C6: variants seen among roughly 807,000 people sequenced by gnomAD.
C6 encodes the protein complement C6, also known as complement component C6.
A neutral mutation model predicts 112.9 loss-of-function variants in C6; 101 were observed. That is an observed-to-expected ratio of 0.89 (90% CI 0.76 to 1.06). C6 has a LOEUF of 1.06. Ranked by LOEUF, C6 falls within the 50% of genes least tolerant of loss-of-function variation. The pLI is 0.00. For synonymous variants in C6, 431 were observed against 384.1 expected, an observed-to-expected ratio of 1.12 and a Z score of -1.43; for missense variants, 1,202 against 1,104.6, an observed-to-expected ratio of 1.09 and a Z score of -1.25.
chr5:41,232,595 C>T (rs984463779), intron 1 of C6, among the ~76,000 whole-genome samples: 13 of 151,988 alleles, frequency 8.6e-5, no homozygotes, highest in South Asian at 4.1e-4. Context: ...AGCAGGTATG[C>T]ATTGTTTCTG....
intron 15 of C6, among the ~76,000 whole-genome samples, chr5:41,152,398 A>T (rs1235916220): frequency 1.3e-5 from 2 of 152,110 alleles, no homozygotes; most frequent in African/African-American, 4.8e-5. Flanking sequence ...TCCTCAGTCT[A>T]TTGAATGAAA....
intron 1 of C6, among the ~76,000 whole-genome samples, chr5:41,212,679 T>G (rs938698175): frequency 6.6e-6 from 1 of 152,150 alleles, no homozygotes. Flanking sequence ...AGGAAAAAAG[T>G]CTTCCACTTC....
At chr5:41,206,571 T>C (rs1025374788) in intron 1 of C6, among the ~76,000 whole-genome samples, 1 of 152,114 alleles carries the variant, frequency 6.6e-6, no homozygotes, top group African/African-American at 2.4e-5. Context: ...AAGAACTACA[T>C]GACGCATGCA....
intron 17 of C6, among the ~76,000 whole-genome samples, chr5:41,143,448 GTTTTA>G (rs1036541282): frequency 2.6e-4 from 40 of 152,064 alleles, no homozygotes; most frequent in African/African-American, 9.2e-4. Context: ...TGTCCTTTCT[GTTTTA>G]TTTTATTTTT....
At chr5:41,184,209 A>T (rs1277056434) in intron 6 of C6, among the ~76,000 whole-genome samples, 2 of 152,190 alleles carry the variant, frequency 1.3e-5, no homozygotes, top group East Asian at 3.9e-4. Context: ...GACTCTTGTG[A>T]ACTCAAAGAG....
chr5:41,255,287 G>A (rs1175345604), intron 1 of C6, among the ~76,000 whole-genome samples: 1 of 151,846 alleles, frequency 6.6e-6, no homozygotes, highest in Non-Finnish European at 1.5e-5. Flanking sequence ...CTTAAACCTG[G>A]GAGGCGGCGG....
In C6 at chr5:41,142,821, T is replaced by C; in HGVS notation, c.*4A>G. 1.2e-6 allele frequency: 2 copies of C among 1,605,830 alleles called. No individual in the cohort carries two copies. Among genetic ancestry groups the C allele is most frequent in the Non-Finnish European group, 1.7e-6 (2 of 1,172,606 alleles). On this transcript the variant is annotated 3_prime_UTR_variant, in exon 18 of 18. Transcript: ENST00000337836. ...TCATTGTGCTGGGCCTAGCAGTAAT[T>C]GTGCTAGGCCAAACACTTTCCAGGA...
At chr5:41,235,075 AT>A (rs1740177145) in intron 1 of C6, among the ~76,000 whole-genome samples, 11 of 85,824 alleles carry the variant, frequency 1.3e-4, no homozygotes, top group African/African-American at 3.8e-4. Flanking sequence ...TTTTTTTTTA[AT>A]GTTTTTTTTT....
At chr5:41,194,741 A>G (rs1750479615) in intron 5 of C6, among the ~76,000 whole-genome samples, 1 of 152,162 alleles carries the variant, frequency 6.6e-6, no homozygotes, top group Non-Finnish European at 1.5e-5. Flanking sequence ...TATGTTTCAA[A>G]TTAAGGCTCA....
chr5:41,240,753 A>C (rs1251360243), intron 1 of C6, among the ~76,000 whole-genome samples: 2 of 152,096 alleles, frequency 1.3e-5, no homozygotes, highest in Non-Finnish European at 2.9e-5. Context: ...TGGTGCACAC[A>C]TGTGCCCAGA....
intron 1 of C6, among the ~76,000 whole-genome samples, chr5:41,219,160 C>G (rs1242725078): frequency 2.0e-5 from 3 of 152,096 alleles, no homozygotes; most frequent in African/African-American, 7.2e-5. Flanking sequence ...CAGCCCTGAG[C>G]CTGATGCACA....
At chr5:41,195,098 G>A (rs1219667211) in intron 5 of C6, among the ~76,000 whole-genome samples, 1 of 152,144 alleles carries the variant, frequency 6.6e-6, no homozygotes. Flanking sequence ...GAGACTGGAT[G>A]GTAATATAGG....
chr5:41,202,358 C>T (rs1176372015), intron 2 of C6, among the ~76,000 whole-genome samples: 1 of 152,114 alleles, frequency 6.6e-6, no homozygotes, highest in African/African-American at 2.4e-5. Context: ...TACTGAAGGA[C>T]TCTTGAATAG....
At chr5:41,245,631 A>C (rs563139237) in intron 1 of C6, among the ~76,000 whole-genome samples, 2 of 152,368 alleles carry the variant, frequency 1.3e-5, no homozygotes, top group East Asian at 3.9e-4. Context: ...CTTTCAAAAA[A>C]AATCACAATC....
chr5:41,174,633 A>C (rs1255229436), intron 8 of C6, among the ~76,000 whole-genome samples: 1 of 152,230 alleles, frequency 6.6e-6, no homozygotes, highest in Non-Finnish European at 1.5e-5. Context: ...ACATTGAACA[A>C]TAGAGAAATA....
At chr5:41,251,196 A>G (rs1489243116) in intron 1 of C6, among the ~76,000 whole-genome samples, 2 of 152,216 alleles carry the variant, frequency 1.3e-5, no homozygotes, top group East Asian at 3.8e-4. Context: ...AATCAGGTTT[A>G]CATGCAAGTT....
In C6 at chr5:41,159,074, G is replaced by A. The variant is rs1561105921; in HGVS notation, c.1856+8C>T. 8.1e-6 allele frequency: 13 copies of A among 1,613,330 alleles called. No homozygotes were observed. Among genetic ancestry groups the A allele is most frequent in the Admixed American group, 1.7e-5 (1 of 59,940 alleles). ...AATGACCCATTCTTTTCCCTTACCC[G>A]GCCTTACTTGTTTTCCATGATTGAA... On this transcript the variant is annotated splice_region_variant and intron_variant, in intron 12 of 17. Coordinates refer to ENST00000337836, the MANE Select transcript of C6 (RefSeq NM_000065.5).
chr5:41,165,257 CAT>C (rs796595745), intron 9 of C6, among the ~76,000 whole-genome samples: 10 of 152,132 alleles, frequency 6.6e-5, no homozygotes, highest in Middle Eastern at 3.4e-3. Flanking sequence ...ATTTTTGATC[CAT>C]GTGTGTGCAT....
At chr5:41,255,079 T>C (rs1258379645) in intron 1 of C6, among the ~76,000 whole-genome samples, 1 of 152,092 alleles carries the variant, frequency 6.6e-6, no homozygotes, top group East Asian at 1.9e-4. Flanking sequence ...ATAAGAGTCT[T>C]GGCCAGGCAT....
Sources: gnomAD v4.1 joint callset for allele counts (sites outside exome capture counted in the v4.1 genomes callset) on GRCh38, gnomAD v4.1.1 for gene constraint, MANE v1.5 for transcripts, NCBI Gene and HGNC (gene_info 2026-07-23, HGNC 2026-07-21) for gene names.